GAB2: variants seen among roughly 807,000 people sequenced by gnomAD.
GAB2 encodes the protein GRB2 associated binding protein 2.
GAB2 carries 26 observed loss-of-function variants against 65.5 expected under a neutral mutation model. The observed-to-expected ratio is 0.40, with a 90% CI of 0.29 to 0.55. The LOEUF (loss-of-function observed/expected upper bound fraction) is 0.55. Among genes scored for constraint, GAB2 ranks in the 20% least tolerant of loss-of-function variants. The pLI is 0.53. For synonymous variants in GAB2, 321 were observed against 329.6 expected, an observed-to-expected ratio of 0.97 and a Z score of 0.28; for missense variants, 884 against 875.8, an observed-to-expected ratio of 1.01 and a Z score of -0.12.
chr11:78,223,542 C>T lies in GAB2; in HGVS notation c.1437G>A (p.Met479Ile), dbSNP rs549439936. 1.9e-6 allele frequency: 3 copies of T among 1,613,710 alleles called. No homozygotes were observed. In the African/African-American group the frequency reaches 4.0e-5, roughly 22 times the overall value. Residue 479 changes from methionine to isoleucine, a missense_variant, in exon 6 of 10, where the codon ATG becomes ATA. By Grantham distance (10) the Met-to-Ile change is conservative. Transcript: ENST00000361507. Reference protein sequence around the residue: ...GDNSQSVYIPMSPGAHHFDSL... With the variant: ...GDNSQSVYIPISPGAHHFDSL... ...AGTCAAAGTGATGGGCCCCTGGGCT[C>T]ATTGGGATGTAGACGCTCTGGGAAT...
chr11:78,342,404 C>CTTTTTTTTT (rs143105179), intron 1 of GAB2, among the ~76,000 whole-genome samples: 2 of 109,878 alleles, frequency 1.8e-5, no homozygotes, highest in African/African-American at 3.7e-5. Context: ...ACACTTTGCA[C>CTTTTTTTTT]TTTTTTTTTT....
intron 1 of GAB2, among the ~76,000 whole-genome samples, chr11:78,352,955 C>G (rs1261653390): frequency 6.6e-6 from 1 of 152,184 alleles, no homozygotes; most frequent in Non-Finnish European, 1.5e-5. Flanking sequence ...TATCCTGCAA[C>G]CTCTATTATA....
At chr11:78,303,803 A>G (rs1487227361) in intron 1 of GAB2, among the ~76,000 whole-genome samples, 4 of 152,202 alleles carry the variant, frequency 2.6e-5, no homozygotes, top group Admixed American at 2.0e-4. Context: ...GAAGCCATCC[A>G]GGCCTGGAGG....
In GAB2 at chr11:78,226,589, T is replaced by C. The variant is rs1864660184; in HGVS notation, c.1083A>G (p.Ala361=). Residue 361 remains alanine, a synonymous_variant, in exon 4 of 10, where the codon GCA becomes GCG. Transcript: ENST00000361507. ...PPPRPPKPSQ[A]ETPRWGSPQQ... ...GAGGACTGCCCCATCGAGGTGTTTC[T>C]GCCTGACTTGGCTTGGGGGGGCGGG... 1 of 930,230 alleles carries C rather than the reference T, an allele frequency of 1.1e-6. No individual in the cohort carries two copies. The allele number at this position is 930,230 out of a possible 1,614,324, so 57.6% of individuals were successfully genotyped here.
intron 1 of GAB2, among the ~76,000 whole-genome samples, chr11:78,396,740 G>A (rs1231785669): frequency 6.6e-6 from 1 of 152,174 alleles, no homozygotes; most frequent in African/African-American, 2.4e-5. Context: ...TGAGATTACA[G>A]GCATGTGCCA....
chr11:78,410,750 G>C (rs1857117114), intron 1 of GAB2, among the ~76,000 whole-genome samples: 1 of 152,060 alleles, frequency 6.6e-6, no homozygotes, highest in African/African-American at 2.4e-5. Flanking sequence ...TAAAGAAATT[G>C]GATTAAAAAT....
intron 1 of GAB2, among the ~76,000 whole-genome samples, chr11:78,306,851 C>T (rs1314496611): frequency 2.0e-5 from 3 of 152,050 alleles, no homozygotes; most frequent in African/African-American, 7.2e-5. Context: ...TTTCCTTGTT[C>T]GTAAAATAGA....
intron 2 of GAB2, among the ~76,000 whole-genome samples, chr11:78,254,552 C>T (rs1865543471): frequency 6.6e-6 from 1 of 152,148 alleles, no homozygotes; most frequent in Admixed American, 6.5e-5. Context: ...GTAATCCCAA[C>T]GCTTTGGGAG....
intron 1 of GAB2, among the ~76,000 whole-genome samples, chr11:78,303,196 A>G (rs1160899757): frequency 6.8e-6 from 1 of 146,234 alleles, no homozygotes; most frequent in African/African-American, 2.7e-5. Context: ...CTGTGGAAAT[A>G]CAAAATTTTT....
intron 1 of GAB2, among the ~76,000 whole-genome samples, chr11:78,353,462 G>C (rs967002431): frequency 6.6e-6 from 1 of 152,154 alleles, no homozygotes. Context: ...AACACTGGGA[G>C]AAACTGGGGA....
chr11:78,322,327 A>T (rs1210349580), intron 1 of GAB2, among the ~76,000 whole-genome samples: 1 of 147,328 alleles, frequency 6.8e-6, no homozygotes, highest in Non-Finnish European at 1.5e-5. Flanking sequence ...AAAAAAAAAA[A>T]AGTAAGATCT....
At chr11:78,416,523 G>A (rs1389682790) in intron 1 of GAB2, among the ~76,000 whole-genome samples, 2 of 152,218 alleles carry the variant, frequency 1.3e-5, no homozygotes, top group Non-Finnish European at 2.9e-5. Flanking sequence ...CTCCCTTGAT[G>A]CACTGCAGCT....
At chr11:78,414,697 T>C (rs540522708) in intron 1 of GAB2, among the ~76,000 whole-genome samples, 2 of 152,312 alleles carry the variant, frequency 1.3e-5, no homozygotes, top group East Asian at 3.9e-4. Context: ...AGACACTTTT[T>C]GCAATTTCTC....
rs139038428 is a variant in GAB2 at position 78,237,995 on chromosome 11, T to C, written c.621-10944A>G. ...TGAACAATGAGAACACATGGACACC[T>C]GGGGGTGGGTGTATAATACACATTG... On this transcript the variant is annotated intron_variant, in intron 3 of 9. Coordinates refer to ENST00000361507, the MANE Select transcript of GAB2 (RefSeq NM_080491.3). 9.0e-3 allele frequency among the ~76,000 whole-genome samples: 1,370 copies of C among 152,016 alleles called. 12 individuals are homozygous for C. The highest frequency in any genetic ancestry group is 0.031 in the Middle Eastern group (9 of 294).
intron 1 of GAB2, among the ~76,000 whole-genome samples, chr11:78,300,516 T>TAAAAAAAAAAAAAAAAAA (rs138790128): frequency 6.3e-5 from 9 of 142,852 alleles, no homozygotes; most frequent in African/African-American, 2.1e-4. Context: ...TTTAATTTTA[T>TAAAAAAAAAAAAAAAAAA]AAAAAAACAA....
chr11:78,354,674 T>C (rs887668587), intron 1 of GAB2, among the ~76,000 whole-genome samples: 5 of 152,134 alleles, frequency 3.3e-5, no homozygotes, highest in African/African-American at 1.2e-4. Context: ...ACAGGGGACT[T>C]TTCTGAAGGT....
At chr11:78,277,133 A>G (rs1866194005) in intron 2 of GAB2, among the ~76,000 whole-genome samples, 1 of 152,204 alleles carries the variant, frequency 6.6e-6, no homozygotes, top group African/African-American at 2.4e-5. Context: ...TGTGATTAAG[A>G]AAGATATCTC....
chr11:78,381,641 A>C (rs1259508619), intron 1 of GAB2, among the ~76,000 whole-genome samples: 1 of 152,014 alleles, frequency 6.6e-6, no homozygotes, highest in Non-Finnish European at 1.5e-5. Context: ...CAGATCTCCT[A>C]AACATGTTAC....
At chr11:78,274,696 C>A (rs1333584614) in intron 2 of GAB2, among the ~76,000 whole-genome samples, 1 of 152,158 alleles carries the variant, frequency 6.6e-6, no homozygotes, top group Non-Finnish European at 1.5e-5. Flanking sequence ...CTTGAAATTA[C>A]TAAATTAGGA....
Sources: gnomAD v4.1 joint callset for allele counts (sites outside exome capture counted in the v4.1 genomes callset) on GRCh38, gnomAD v4.1.1 for gene constraint, MANE v1.5 for transcripts, NCBI Gene and HGNC (gene_info 2026-07-23, HGNC 2026-07-21) for gene names.